Variants in HECW1 observed in about 807,000 individuals in gnomAD.
HECW1 encodes HECT, C2 and WW domain containing E3 ubiquitin protein ligase 1, also known as E3 ubiquitin-protein ligase HECW1.
Under a neutral mutation model 182.3 loss-of-function variants are expected in HECW1, and 61 were observed. That is an observed-to-expected ratio of 0.33 (90% CI 0.27 to 0.41). HECW1 has a LOEUF of 0.41. Ranked by LOEUF, HECW1 falls within the 10% of genes least tolerant of loss-of-function variation. HECW1 has a pLI of 1.00. For synonymous variants in HECW1, 859 were observed against 832.6 expected (o/e 1.03, Z -0.55); for missense variants, 1,739 against 2,108.9 (o/e 0.82, Z 3.44).
intron 5 of HECW1, among the ~76,000 whole-genome samples, chr7:43,355,592 A>G (rs562913284): frequency 8.0e-4 from 122 of 152,280 alleles, no homozygotes; most frequent in African/African-American, 2.8e-3. Flanking sequence ...TGCAAAACCT[A>G]TAATAGATTC....
chr7:43,357,801 G>A (rs1815357016), intron 5 of HECW1, among the ~76,000 whole-genome samples: 2 of 152,008 alleles, frequency 1.3e-5, no homozygotes, highest in African/African-American at 4.8e-5. Context: ...TTAAGATGAT[G>A]TATATCCCAA....
At chr7:43,530,180 A>G (rs1443647127) in intron 24 of HECW1, among the ~76,000 whole-genome samples, 3 of 138,620 alleles carry the variant, frequency 2.2e-5, no homozygotes, top group East Asian at 4.2e-4. Context: ...CTGGTTTCAA[A>G]CTCCTGACCT....
intron 2 of HECW1, among the ~76,000 whole-genome samples, chr7:43,217,816 A>G (rs1265462583): frequency 6.6e-6 from 1 of 152,212 alleles, no homozygotes; most frequent in Non-Finnish European, 1.5e-5. Context: ...AATTATCAGG[A>G]AAGGAACTAT....
At chr7:43,482,378 G>A (rs1364767673) in intron 17 of HECW1, among the ~76,000 whole-genome samples, 1 of 152,250 alleles carries the variant, frequency 6.6e-6, no homozygotes, top group Non-Finnish European at 1.5e-5. Context: ...TTGCTGTGAT[G>A]TGATTTTGCT....
At chr7:43,466,703 C>G in intron 15 of HECW1, 135 bp downstream of exon 15, 2 of 1,044,846 alleles carry the variant, frequency 1.9e-6, no homozygotes, top group Non-Finnish European at 2.7e-6. Flanking sequence ...CAGCTCAGTC[C>G]ACTCTTTTGA....
At chr7:43,483,897 G>C (rs1406234714) in intron 17 of HECW1, among the ~76,000 whole-genome samples, 1 of 152,026 alleles carries the variant, frequency 6.6e-6, no homozygotes, top group Non-Finnish European at 1.5e-5. Flanking sequence ...GAAGAGGAAG[G>C]GCTGTGGCAA....
intron 28 of HECW1, among the ~76,000 whole-genome samples, chr7:43,554,140 C>CCT (rs1465461386): frequency 6.6e-6 from 1 of 152,218 alleles, no homozygotes; most frequent in African/African-American, 2.4e-5. Flanking sequence ...TGGCTGTTCG[C>CCT]CTCCAGCCTA....
intron 5 of HECW1, among the ~76,000 whole-genome samples, chr7:43,325,410 T>C (rs767991409): frequency 7.9e-5 from 12 of 152,180 alleles, no homozygotes; most frequent in Non-Finnish European, 1.6e-4. Context: ...TCAGAATCCT[T>C]CCAAGTCAGG....
intron 7 of HECW1, among the ~76,000 whole-genome samples, chr7:43,403,604 T>A (rs2075501151): frequency 6.6e-6 from 1 of 152,198 alleles, no homozygotes; most frequent in African/African-American, 2.4e-5. Context: ...CAGCTCAAAA[T>A]AATCCTTATG....
chr7:43,249,360 T>G (rs1799795715), intron 3 of HECW1: 1 of 152,356 alleles, frequency 6.6e-6, no homozygotes, highest in Non-Finnish European at 1.5e-5. Flanking sequence ...CCCTTAACCA[T>G]GCCCAGCAGG....
intron 24 of HECW1, chr7:43,522,924 G>A (rs145185151): frequency 2.1e-4 from 71 of 341,086 alleles, no homozygotes; most frequent in Non-Finnish European, 2.6e-4. Context: ...AAACAGCTCC[G>A]TGGTGGGGAT....
At chr7:43,439,779 C>T (rs1383449593) in intron 9 of HECW1, 1 of 152,334 alleles carries the variant, frequency 6.6e-6, no homozygotes, top group Non-Finnish European at 1.5e-5. Flanking sequence ...GGCACATCCC[C>T]AGCTGAAAGC....
At chr7:43,261,893 C>T (rs1273524907) in intron 3 of HECW1, among the ~76,000 whole-genome samples, 2 of 150,854 alleles carry the variant, frequency 1.3e-5, no homozygotes, top group African/African-American at 4.9e-5. Context: ...TTCAGTGTTA[C>T]TTATTTCTTG....
intron 3 of HECW1, among the ~76,000 whole-genome samples, chr7:43,252,203 G>A (rs1015671467): frequency 6.6e-6 from 1 of 152,058 alleles, no homozygotes; most frequent in African/African-American, 2.4e-5. Flanking sequence ...TTTTCTCTGG[G>A]CAATGCCTTC....
chr7:43,331,630 T>A (rs1361328959), intron 5 of HECW1, among the ~76,000 whole-genome samples: 1 of 151,800 alleles, frequency 6.6e-6, no homozygotes, highest in East Asian at 1.9e-4. Flanking sequence ...TTGCACATGT[T>A]TATAGACTGA....
chr7:43,517,765 A>G (rs1055780868), intron 24 of HECW1, among the ~76,000 whole-genome samples: 1 of 152,156 alleles, frequency 6.6e-6, no homozygotes, highest in African/African-American at 2.4e-5. Context: ...ACGAACACCT[A>G]CAAGAGCTTT....
intron 19 of HECW1, among the ~76,000 whole-genome samples, chr7:43,494,813 C>T (rs185122665): frequency 6.6e-6 from 1 of 152,238 alleles, no homozygotes; most frequent in East Asian, 1.9e-4. Context: ...CTCACCCAGC[C>T]TAAAGTCAAG....
intron 24 of HECW1, among the ~76,000 whole-genome samples, chr7:43,512,797 A>T (rs894873587): frequency 2.0e-5 from 3 of 152,226 alleles, no homozygotes; most frequent in Non-Finnish European, 4.4e-5. Context: ...TATTTTTTTA[A>T]TGCCTAGCAA....
chr7:43,439,369 C>T (rs763409872), intron 9 of HECW1: 3 of 152,180 alleles, frequency 2.0e-5, no homozygotes, highest in African/African-American at 7.2e-5. Flanking sequence ...CAGACTCACA[C>T]CTGTGTCTCT....
Sources: allele counts gnomAD v4.1 joint callset (sites outside exome capture counted in the v4.1 genomes callset), GRCh38; gene constraint gnomAD v4.1.1; transcripts MANE v1.5; gene names NCBI Gene and HGNC (gene_info 2026-07-23, HGNC 2026-07-21).